KMT2A: variants seen among roughly 807,000 people sequenced by gnomAD.
KMT2A encodes histone-lysine N-methyltransferase 2A.
KMT2A carries 16 observed loss-of-function variants against 345.3 expected under a neutral mutation model. That is an observed-to-expected ratio of 0.05 (90% CI 0.03 to 0.07). KMT2A has a LOEUF of 0.07. KMT2A is among the 10% of genes least tolerant of loss of function. The pLI is 1.00. For synonymous variants in KMT2A, 1,599 were observed against 1,778.6 expected (o/e 0.90, Z 2.54); for missense variants, 3,272 against 4,841.6 (o/e 0.68, Z 9.62).
intron 10 of KMT2A, among the ~76,000 whole-genome samples, chr11:118,487,734 C>A (rs1950254427): frequency 6.6e-6 from 1 of 152,132 alleles, no homozygotes; most frequent in Non-Finnish European, 1.5e-5. Context: ...AGGAAATTAA[C>A]ACACTGGTAC....
rs1213849118 is a variant in KMT2A at position 118,505,032 on chromosome 11, A to G, written c.9140A>G (p.Gln3047Arg). Residue 3047 changes from glutamine (Q) to arginine (R), a missense_variant, in exon 27 of 36, where the codon CAG becomes CGG. Around this residue, in one of 27 missense-constraint regions of KMT2A, gnomAD observed 748 missense variants for 922.2 expected, o/e 0.81. Transcript: ENST00000534358. The surrounding 1 kb of genome is among the most constrained non-coding windows in gnomAD (Gnocchi z 4.6). Reference sequence around the variant, plus strand: ...TCCCCAACTGTTCCCATCCAGAACCAGAAGTATGTGCCCAATTCTACTGAT... The same window carrying G: ...TCCCCAACTGTTCCCATCCAGAACCGGAAGTATGTGCCCAATTCTACTGAT... ...PVSPTVPIQN[Q>R]KYVPNSTDSP... 2 of 1,614,080 alleles carry G rather than the reference A, an allele frequency of 1.2e-6. No homozygotes were observed. The highest frequency in any genetic ancestry group is 1.3e-5 in the African/African-American group (1 of 74,922).
chr11:118,468,614 T>C, intron 1 of KMT2A, 161 bp from the exon 2 acceptor site: 1 of 604,562 alleles, frequency 1.7e-6, no homozygotes. Flanking sequence ...GGTCCATTTA[T>C]TTCAATATTA....
At chr11:118,437,675 T>TCCCCC (rs145193113) in intron 1 of KMT2A, among the ~76,000 whole-genome samples, 2 of 143,998 alleles carry the variant, frequency 1.4e-5, no homozygotes, top group Non-Finnish European at 3.0e-5. Context: ...AGCAGTCTCT[T>TCCCCC]CCCCCCCCCG....
At chr11:118,500,065 G>C in intron 24 of KMT2A, 152 bp downstream of exon 24, 1 of 582,620 alleles carries the variant, frequency 1.7e-6, no homozygotes, top group Non-Finnish European at 3.1e-6. Flanking sequence ...GGATTCGTCT[G>C]CTTGTAGATT....
chr11:118,512,457 C>G (rs1412574066), intron 31 of KMT2A: 1 of 172,814 alleles, frequency 5.8e-6, no homozygotes, highest in East Asian at 1.7e-4. Flanking sequence ...TTACATCTTC[C>G]CTTCCACATC....
chr11:118,457,084 C>T (rs564199515), intron 1 of KMT2A, among the ~76,000 whole-genome samples: 1 of 152,186 alleles, frequency 6.6e-6, no homozygotes, highest in Admixed American at 6.5e-5. Context: ...CTTCCTGCCT[C>T]TACTTCTCTA....
Position 118,473,904 on chromosome 11 carries a change from G to T in KMT2A, c.2745G>T (p.Lys915Asn). 6.2e-7 allele frequency: 1 copy of T among 1,614,200 alleles called. No homozygotes were observed. The highest frequency in any genetic ancestry group is 8.5e-7 in the Non-Finnish European group (1 of 1,180,032). Residue 915 changes from lysine (K) to asparagine (N), a missense_variant, in exon 3 of 36, where the codon AAG becomes AAT. Around this residue, in one of 27 missense-constraint regions of KMT2A, gnomAD observed 209 missense variants for 237.4 expected, o/e 0.88. Transcript: ENST00000534358. This position sits in a 1 kb window ranked among gnomAD's most constrained non-coding sequence, Gnocchi z 5.2. The stretch of plus-strand genomic sequence containing the variant: ...CTGTGGGTAGGGTTTCCAAAGAGAA[G>T]GTTGTTGGTGAAGATGTTGCCACTT... ...LYPVGRVSKE[K>N]VVGEDVATSS... is the part of the protein sequence containing the mutation.
intron 1 of KMT2A, among the ~76,000 whole-genome samples, chr11:118,438,420 G>T (rs893920880): frequency 6.7e-5 from 10 of 149,074 alleles, no homozygotes; most frequent in Non-Finnish European, 1.2e-4. Context: ...GATGCAGAAG[G>T]GGGGAGTTCG....
Position 118,502,491 on chromosome 11 carries a change from C to T in KMT2A, c.6599C>T (p.Thr2200Ile), listed in dbSNP as rs782273023. ...AGCATTGGCTCCAGGCGTCACAGTACCTCTTCCTTATCACCCCAGCGGTCC... is the reference window on the plus strand; with the variant it reads ...AGCATTGGCTCCAGGCGTCACAGTATCTCTTCCTTATCACCCCAGCGGTCC... The part of the protein sequence containing the change: ...LRSIGSRRHS[T>I]SSLSPQRSKL... The change falls in exon 27 of 36, where the codon ACC becomes ATC. Residue 2200 changes from threonine (T) to isoleucine (I), a missense_variant. Around this residue, in one of 27 missense-constraint regions of KMT2A, gnomAD observed 445 missense variants for 500.9 expected, o/e 0.89. Transcript: ENST00000534358. This position sits in a 1 kb window ranked among gnomAD's most constrained non-coding sequence, Gnocchi z 4.9. The T allele has an allele frequency of 1.2e-6, 2 of 1,613,896 alleles. No individual in the cohort carries two copies. Among genetic ancestry groups the T allele is most frequent in the Non-Finnish European group, 8.5e-7 (1 of 1,179,986 alleles).
intron 24 of KMT2A, among the ~76,000 whole-genome samples, chr11:118,500,289 A>G (rs2134375990): frequency 6.6e-6 from 1 of 152,328 alleles, no homozygotes; most frequent in East Asian, 1.9e-4. Flanking sequence ...TCCTTCTAAA[A>G]CTATAAATCC....
At chr11:118,463,748 G>C (rs1949789876) in intron 1 of KMT2A, among the ~76,000 whole-genome samples, 1 of 152,172 alleles carries the variant, frequency 6.6e-6, no homozygotes, top group Non-Finnish European at 1.5e-5. Context: ...ACTACTATGT[G>C]AGGGGACTTC....
Position 118,473,720 on chromosome 11 carries a change from C to T in KMT2A, c.2561C>T (p.Ala854Val), listed in dbSNP as rs377416766. 13 of 1,614,030 alleles carry T rather than the reference C, an allele frequency of 8.1e-6. No individual in the cohort carries two copies. Among genetic ancestry groups the T allele is most frequent in the East Asian group, 6.7e-5 (3 of 44,878 alleles). Residue 854 changes from alanine to valine, a missense_variant, in exon 3 of 36, where the codon GCC becomes GTC. By Grantham distance (64) the Ala-to-Val change is moderately conservative. Coordinates refer to ENST00000534358, the MANE Select transcript of KMT2A (RefSeq NM_001197104.2). The surrounding 1 kb of genome is among the most constrained non-coding windows in gnomAD (Gnocchi z 5.2). ...GAAAGAGGGAGAAATAAAGACAAGG[C>T]CCCCGAGGAGCTGTCCAAAGATCGA... ...QTERGRNKDK[A>V]PEELSKDRDA...
chr11:118,477,032 TG>T, intron 4 of KMT2A, 50 bp downstream of exon 4: 1 of 1,590,648 alleles, frequency 6.3e-7, no homozygotes, highest in Non-Finnish European at 8.6e-7. Flanking sequence ...TTGATTTGTT[TG>T]TTGATTATTC....
chr11:118,480,242 G>T lies in KMT2A; in HGVS notation c.3634+4G>T. 6.2e-7 allele frequency: 1 copy of T among 1,612,540 alleles called. No individual in the cohort carries two copies. Among genetic ancestry groups the T allele is most frequent in the Non-Finnish European group, 8.5e-7 (1 of 1,178,738 alleles). On this transcript the variant is annotated splice_donor_region_variant and intron_variant, in intron 6 of 35. Transcript: ENST00000534358. Reference sequence around the variant, plus strand: ...TACCTGCAGAAGCAAGCTAAAGGTAGTGTTGTTAAAAAGGTCTTCCCCCAA... The same window carrying T: ...TACCTGCAGAAGCAAGCTAAAGGTATTGTTGTTAAAAAGGTCTTCCCCCAA...
At chr11:118,451,029 A>G (rs1275374530) in intron 1 of KMT2A, among the ~76,000 whole-genome samples, 4 of 152,150 alleles carry the variant, frequency 2.6e-5, no homozygotes, top group African/African-American at 9.7e-5. Flanking sequence ...AGTACCTGCA[A>G]AGAGGCTCAT....
At chr11:118,463,346 C>T (rs575225519) in intron 1 of KMT2A, among the ~76,000 whole-genome samples, 1 of 152,282 alleles carries the variant, frequency 6.6e-6, no homozygotes, top group South Asian at 2.1e-4. Flanking sequence ...AGCTGTCAAT[C>T]ATTGTAGCAT....
Position 118,488,752 on chromosome 11 carries a change from G to C in KMT2A, c.4471G>C (p.Ala1491Pro). Reference sequence around the variant, plus strand: ...TCACGTTTGTGGAAGGCAACATCAGGCTACAAAGGTACAAAACTTGGTAAT... The same window carrying C: ...TCACGTTTGTGGAAGGCAACATCAGCCTACAAAGGTACAAAACTTGGTAAT... The part of the protein sequence containing the change: ...FCHVCGRQHQ[A>P]TKQLLECNKC... The change falls in exon 11 of 36, where the codon GCT (alanine) becomes CCT (proline). Residue 1491 changes from alanine (A) to proline (P), a missense_variant. This residue lies in a region of KMT2A where 120 missense variants were observed against 280.4 expected (regional missense o/e 0.43). Transcript: ENST00000534358. The C allele has an allele frequency of 1.2e-6, 2 of 1,614,038 alleles. No individual in the cohort carries two copies. The highest frequency in any genetic ancestry group is 1.7e-6 in the Non-Finnish European group (2 of 1,180,010).
At chr11:118,447,708 C>G (rs1418901696) in intron 1 of KMT2A, 1 of 441,332 alleles carries the variant, frequency 2.3e-6, no homozygotes, top group East Asian at 7.1e-5. Flanking sequence ...GGAAGTCAGT[C>G]CTATGAGGAA....
intron 30 of KMT2A, 105 bp from the exon 31 acceptor site, chr11:118,511,846 G>A: frequency 1.1e-6 from 1 of 876,388 alleles, no homozygotes; most frequent in South Asian, 1.4e-5. Context: ...GAGGGCAAGT[G>A]TTCACACTGT....
Sources: allele counts gnomAD v4.1 joint callset (sites outside exome capture counted in the v4.1 genomes callset), GRCh38; gene constraint gnomAD v4.1.1; regional missense constraint gnomAD v4.1.1; non-coding constraint Gnocchi (gnomAD v3.1); transcripts MANE v1.5; gene names NCBI Gene and HGNC (gene_info 2026-07-23, HGNC 2026-07-21).